The following C1QTNF3 variants were observed in gnomAD, a reference collection of about 807,000 sequenced individuals.
C1QTNF3 encodes complement C1q tumor necrosis factor-related protein 3.
Under a neutral mutation model 32.6 loss-of-function variants are expected in C1QTNF3, and 26 were observed. The observed-to-expected ratio is 0.80, with a 90% CI of 0.58 to 1.11. The LOEUF (loss-of-function observed/expected upper bound fraction) is 1.11. Ranked by LOEUF, C1QTNF3 falls within the 50% of genes least tolerant of loss-of-function variation. The pLI is 0.00. For missense variants in C1QTNF3, 362 were observed against 398.2 expected, an observed-to-expected ratio of 0.91 and a Z score of 0.77; for synonymous variants, 155 against 146.0, an observed-to-expected ratio of 1.06 and a Z score of -0.44.
the C1QTNF3 span, among the ~76,000 whole-genome samples, chr5:34,139,917 C>A: frequency 6.6e-6 from 1 of 152,274 alleles, no homozygotes; most frequent in South Asian, 2.1e-4. Context: ...ACTTGCTAAA[C>A]TGGACACCAC....
intron 4 of C1QTNF3, among the ~76,000 whole-genome samples, chr5:34,028,044 C>A (rs1309732356): frequency 6.6e-6 from 1 of 152,140 alleles, no homozygotes; most frequent in Non-Finnish European, 1.5e-5. Flanking sequence ...GCGATCTCCG[C>A]TCACTGCAAG....
At chr5:34,083,944 C>T in the C1QTNF3 span, among the ~76,000 whole-genome samples, 9 of 151,844 alleles carry the variant, frequency 5.9e-5, no homozygotes, top group African/African-American at 1.5e-4. Context: ...ACTTATAAAT[C>T]GGTTTCACTA....
the C1QTNF3 span, among the ~76,000 whole-genome samples, chr5:34,053,113 T>G: frequency 6.6e-6 from 1 of 152,168 alleles, no homozygotes; most frequent in African/African-American, 2.4e-5. Flanking sequence ...CTGTATAAAT[T>G]TATGAATAAT....
chr5:34,061,705 C>A, the C1QTNF3 span, among the ~76,000 whole-genome samples: 217 of 152,298 alleles, frequency 1.4e-3, 3 homozygotes, highest in African/African-American at 5.0e-3. Context: ...GCAGCTGAGA[C>A]ACAGAGCACT....
chr5:34,033,202 G>C, intron 3 of C1QTNF3, 102 bp downstream of exon 3: 1 of 1,280,182 alleles, frequency 7.8e-7, no homozygotes. Flanking sequence ...ATTTACTCAG[G>C]ATTGGGGAAG....
At chr5:34,079,942 TAATA>T in the C1QTNF3 span, among the ~76,000 whole-genome samples, 6 of 138,456 alleles carry the variant, frequency 4.3e-5, 1 homozygote, top group South Asian at 4.6e-4. Flanking sequence ...ATTACAAAAA[TAATA>T]AATAAACAAG....
chr5:34,216,050 C>G, the C1QTNF3 span, among the ~76,000 whole-genome samples: 4 of 152,192 alleles, frequency 2.6e-5, no homozygotes, highest in Non-Finnish European at 4.4e-5. Context: ...CTTTTATATT[C>G]CATCTTCTCA....
At chr5:34,208,227 T>C in the C1QTNF3 span, among the ~76,000 whole-genome samples, 1 of 152,280 alleles carries the variant, frequency 6.6e-6, no homozygotes, top group Non-Finnish European at 1.5e-5. Flanking sequence ...TATTCTAAAA[T>C]GTAGATTTAT....
chr5:34,233,292 TG>T, the C1QTNF3 span, among the ~76,000 whole-genome samples: 1 of 146,478 alleles, frequency 6.8e-6, no homozygotes, highest in African/African-American at 2.5e-5. Flanking sequence ...ACAAAGTTAG[TG>T]GTTTAAAATA....
At chr5:34,170,732 A>C in the C1QTNF3 span, among the ~76,000 whole-genome samples, 1 of 152,260 alleles carries the variant, frequency 6.6e-6, no homozygotes, top group East Asian at 1.9e-4. Context: ...CGGTGATAAC[A>C]TCTCTCTCCT....
the C1QTNF3 span, chr5:34,165,638 T>C: frequency 4.6e-5 from 7 of 152,046 alleles, no homozygotes; most frequent in African/African-American, 1.7e-4. Context: ...GAAGTCTTTT[T>C]ATATGTCAAA....
chr5:34,047,205 G>T (rs1244810286), upstream of C1QTNF3, among the ~76,000 whole-genome samples: 2 of 152,226 alleles, frequency 1.3e-5, no homozygotes, highest in East Asian at 3.8e-4. Flanking sequence ...CAGGCTCCTG[G>T]ATACACTGGG....
intron 3 of C1QTNF3, among the ~76,000 whole-genome samples, chr5:34,029,332 G>T (rs1332131838): frequency 6.6e-6 from 1 of 151,392 alleles, no homozygotes; most frequent in Non-Finnish European, 1.5e-5. Context: ...TAGAGACGAG[G>T]TCTCACTATG....
the C1QTNF3 span, among the ~76,000 whole-genome samples, chr5:34,071,568 A>G: frequency 6.6e-6 from 1 of 152,122 alleles, no homozygotes; most frequent in Non-Finnish European, 1.5e-5. Flanking sequence ...CATTCGTACA[A>G]TGTACAGCCA....
the C1QTNF3 span, among the ~76,000 whole-genome samples, chr5:34,052,068 G>T: frequency 1.3e-5 from 2 of 152,138 alleles, no homozygotes; most frequent in South Asian, 2.1e-4. Context: ...AACCCCGGAG[G>T]TGAATGTTGC....
chr5:34,219,793 T>C, the C1QTNF3 span: 1 of 152,114 alleles, frequency 6.6e-6, no homozygotes, highest in Non-Finnish European at 1.5e-5. Context: ...CTTGTGGATG[T>C]TCTTTAAAAT....
the C1QTNF3 span, among the ~76,000 whole-genome samples, chr5:34,115,075 T>C: frequency 6.6e-6 from 1 of 152,192 alleles, no homozygotes; most frequent in Non-Finnish European, 1.5e-5. Context: ...GTGTCATTAA[T>C]ATTTTCAAAA....
At chr5:34,178,006 C>A in the C1QTNF3 span, among the ~76,000 whole-genome samples, 1 of 150,792 alleles carries the variant, frequency 6.6e-6, no homozygotes, top group Non-Finnish European at 1.5e-5. Flanking sequence ...GTGGCTCATG[C>A]CTGTAATTCC....
At chr5:34,219,749 A>G in the C1QTNF3 span, among the ~76,000 whole-genome samples, 1 of 152,148 alleles carries the variant, frequency 6.6e-6, no homozygotes, top group Non-Finnish European at 1.5e-5. Context: ...CAGTCCAAAG[A>G]TGGGCATGTA....
Sources: gnomAD v4.1 joint callset for allele counts (sites outside exome capture counted in the v4.1 genomes callset) on GRCh38, gnomAD v4.1.1 for gene constraint, MANE v1.5 for transcripts, NCBI Gene and HGNC (gene_info 2026-07-23, HGNC 2026-07-21) for gene names.